Variants in RASA1 observed in about 807,000 individuals in gnomAD.
RASA1 encodes the protein RAS p21 protein activator 1.
RASA1 carries 25 observed loss-of-function variants against 132.2 expected under a neutral mutation model. The ratio of observed to expected loss-of-function variants is 0.19; its 90% CI spans 0.14 to 0.26. The LOEUF (loss-of-function observed/expected upper bound fraction) is 0.26. RASA1 is among the 10% of genes least tolerant of loss of function. RASA1 has a pLI of 1.00. For synonymous variants in RASA1, 477 were observed against 449.9 expected (o/e 1.06, Z -0.76); for missense variants, 964 against 1,299.2 (o/e 0.74, Z 3.97).
At chr5:87,360,403 C>T (rs751178430) in intron 9 of RASA1, among the ~76,000 whole-genome samples, 2 of 152,132 alleles carry the variant, frequency 1.3e-5, no homozygotes, top group African/African-American at 4.8e-5. Context: ...GGATTAAAGG[C>T]GTGAGCAAAA....
chr5:87,385,193 T>C (rs1336260078), intron 21 of RASA1, 108 bp from the exon 22 acceptor site: 1 of 755,712 alleles, frequency 1.3e-6, no homozygotes, highest in African/African-American at 1.7e-5. Flanking sequence ...AATGGAAGAA[T>C]GGGTAGTAGT....
At chr5:87,309,412 T>C (rs1260828799) in intron 1 of RASA1, among the ~76,000 whole-genome samples, 2 of 152,090 alleles carry the variant, frequency 1.3e-5, no homozygotes, top group Non-Finnish European at 2.9e-5. Flanking sequence ...ATAGGACTCA[T>C]TGAGTGACAT....
intron 15 of RASA1, among the ~76,000 whole-genome samples, chr5:87,376,002 C>T (rs1024123167): frequency 2.6e-5 from 4 of 152,028 alleles, no homozygotes; most frequent in Admixed American, 2.6e-4. Context: ...AGATCTCGTC[C>T]GCTCAAGGGT....
chr5:87,272,170 T>C (rs1283812234), intron 1 of RASA1, among the ~76,000 whole-genome samples: 1 of 151,810 alleles, frequency 6.6e-6, no homozygotes, highest in Admixed American at 6.6e-5. Flanking sequence ...AACACCATGA[T>C]TGAGTACTTA....
chr5:87,349,383 G>C lies in RASA1; in HGVS notation c.1253+19G>C, dbSNP rs374702293. The C allele has an allele frequency of 2.5e-6, 4 of 1,610,320 alleles. No individual in the cohort carries two copies. In the South Asian group the frequency reaches 4.4e-5, roughly 18 times the overall value. On this transcript the variant is annotated intron_variant, in intron 8 of 24. Transcript: ENST00000274376. Reference sequence around the variant, plus strand: ...ATAACAGGTAAATCATAATTTTTTAGCTATCTTTTACTTTTCGCAAAAATA... The same window carrying C: ...ATAACAGGTAAATCATAATTTTTTACCTATCTTTTACTTTTCGCAAAAATA...
In RASA1 at chr5:87,380,420, G is replaced by T. The variant is rs1054597947; in HGVS notation, c.2604-89G>T. On this transcript the variant is annotated intron_variant, in intron 19 of 24. Coordinates refer to ENST00000274376, the MANE Select transcript of RASA1 (RefSeq NM_002890.3). ...AAAAGGCCAGTTTTATTGAACTGTGGTATATTTGGGTAAATTAAGCTTTTG... is the reference window on the plus strand; with the variant it reads ...AAAAGGCCAGTTTTATTGAACTGTGTTATATTTGGGTAAATTAAGCTTTTG... The T allele has an allele frequency of 7.8e-6, 9 of 1,148,396 alleles. No homozygotes were observed. In the Admixed American group the frequency reaches 1.4e-4, roughly 17 times the overall value. 71.1% of individuals were successfully genotyped at this position (1,148,396 alleles called of 1,614,324 possible). A position where few individuals can be genotyped will look rare whatever the true frequency, so the allele number is the denominator to read the frequency against.
At chr5:87,334,468 A>G (rs1440283036) in intron 4 of RASA1, among the ~76,000 whole-genome samples, 3 of 152,184 alleles carry the variant, frequency 2.0e-5, no homozygotes, top group East Asian at 1.9e-4. Flanking sequence ...CCAGAAATAT[A>G]ATGTTTAATC....
chr5:87,371,113 T>C (rs535582817), intron 12 of RASA1, among the ~76,000 whole-genome samples: 15 of 152,166 alleles, frequency 9.9e-5, no homozygotes, highest in South Asian at 2.1e-4. Context: ...ATGGTCCCTC[T>C]TTCTGAATAA....
intron 23 of RASA1, among the ~76,000 whole-genome samples, chr5:87,388,491 T>C (rs994679703): frequency 6.6e-6 from 1 of 152,230 alleles, no homozygotes; most frequent in Non-Finnish European, 1.5e-5. Flanking sequence ...TCTCCAATTT[T>C]GGATTTTTGG....
At chr5:87,293,295 T>C (rs190941520) in intron 1 of RASA1, among the ~76,000 whole-genome samples, 2 of 152,154 alleles carry the variant, frequency 1.3e-5, no homozygotes, top group Admixed American at 1.3e-4. Flanking sequence ...CTATTCCTAA[T>C]TTGCTCAGCG....
intron 1 of RASA1, among the ~76,000 whole-genome samples, chr5:87,320,680 C>A (rs886531156): frequency 6.6e-6 from 1 of 152,188 alleles, no homozygotes; most frequent in African/African-American, 2.4e-5. Context: ...TCCCCCAACA[C>A]TGGGAGTAAC....
chr5:87,309,892 G>GTA, intron 1 of RASA1, among the ~76,000 whole-genome samples: 2 of 152,012 alleles, frequency 1.3e-5, no homozygotes, highest in Non-Finnish European at 2.9e-5. Flanking sequence ...AGTATTTGTT[G>GTA]AATATTTTTT....
chr5:87,294,824 T>A (rs901370846), intron 1 of RASA1, among the ~76,000 whole-genome samples: 1 of 152,206 alleles, frequency 6.6e-6, no homozygotes, highest in Non-Finnish European at 1.5e-5. Context: ...CAGTCTGCTG[T>A]TGTTGGATGA....
intron 1 of RASA1, among the ~76,000 whole-genome samples, chr5:87,327,961 C>T (rs1325383712): frequency 2.7e-5 from 4 of 148,452 alleles, no homozygotes; most frequent in East Asian, 2.0e-4. Flanking sequence ...AGCAAGACTC[C>T]GTTTCCCAAA....
intron 21 of RASA1, among the ~76,000 whole-genome samples, chr5:87,384,493 T>G (rs2112510937): frequency 6.6e-6 from 1 of 152,300 alleles, no homozygotes. Flanking sequence ...TCTTAATTTT[T>G]ACTTCTATAT....
intron 1 of RASA1, among the ~76,000 whole-genome samples, chr5:87,284,531 A>T (rs1451739662): frequency 6.6e-6 from 1 of 152,196 alleles, no homozygotes. Flanking sequence ...AAGCTAATCC[A>T]GGTATCTGGA....
intron 19 of RASA1, 40 bp downstream of exon 19, chr5:87,379,890 C>G (rs754406588): frequency 4.4e-6 from 7 of 1,584,736 alleles, no homozygotes; most frequent in Non-Finnish European, 5.2e-6. Flanking sequence ...AATTGTGTAT[C>G]TATGTCTTCA....
chr5:87,286,970 C>T (rs555929293), intron 1 of RASA1, among the ~76,000 whole-genome samples: 26 of 144,164 alleles, frequency 1.8e-4, no homozygotes, highest in Non-Finnish European at 2.6e-4. Context: ...ATATATACAC[C>T]ATATATATAC....
At chr5:87,386,773 A>G (rs1433625932) in intron 22 of RASA1, 53 bp from the exon 23 acceptor site, 2 of 1,502,124 alleles carry the variant, frequency 1.3e-6, no homozygotes, top group African/African-American at 1.4e-5. Context: ...AACCTAATAG[A>G]TCAAACAGTG....
Sources: allele counts gnomAD v4.1 joint callset (sites outside exome capture counted in the v4.1 genomes callset), GRCh38; gene constraint gnomAD v4.1.1; transcripts MANE v1.5; gene names NCBI Gene and HGNC (gene_info 2026-07-23, HGNC 2026-07-21).